Variants in PTPRN2 observed in about 807,000 individuals in gnomAD.
The protein encoded by PTPRN2 is protein tyrosine phosphatase receptor type N2.
Under a neutral mutation model 118.8 loss-of-function variants are expected in PTPRN2, and 74 were observed. The observed-to-expected ratio is 0.62, with a 90% CI of 0.52 to 0.76. The LOEUF (loss-of-function observed/expected upper bound fraction) is 0.76, where lower values mean the gene tolerates loss of function less well. PTPRN2 is among the 30% of genes least tolerant of loss of function. The pLI is 0.00. For missense variants in PTPRN2, 1,481 were observed against 1,394.4 expected (o/e 1.06, Z -0.99); for synonymous variants, 641 against 608.0 (o/e 1.05, Z -0.80).
chr7:157,911,874 TGTTCTGAGA>T (rs1798126254), intron 11 of PTPRN2, among the ~76,000 whole-genome samples: 1 of 152,232 alleles, frequency 6.6e-6, no homozygotes, highest in African/African-American at 2.4e-5. Context: ...GCTAACCCTG[TGTTCTGAGA>T]CTCAGATTCG....
chr7:157,864,204 C>A (rs925711627), intron 12 of PTPRN2: 1 of 152,286 alleles, frequency 6.6e-6, no homozygotes, highest in East Asian at 1.9e-4. Context: ...TGCGTCCCCC[C>A]ATCCAGGGTC....
chr7:158,002,580 C>T (rs1219689269), intron 11 of PTPRN2, among the ~76,000 whole-genome samples: 1 of 152,130 alleles, frequency 6.6e-6, no homozygotes, highest in African/African-American at 2.4e-5. Flanking sequence ...GCTCCCACTG[C>T]GCCCCTCCCT....
chr7:158,008,998 C>A (rs747892605), intron 11 of PTPRN2, among the ~76,000 whole-genome samples: 1 of 152,170 alleles, frequency 6.6e-6, no homozygotes, highest in African/African-American at 2.4e-5. Context: ...GCCTCTAGCT[C>A]CCCGCACTCC....
At chr7:157,743,388 T>C (rs1800745785) in intron 12 of PTPRN2, among the ~76,000 whole-genome samples, 1 of 152,146 alleles carries the variant, frequency 6.6e-6, no homozygotes, top group Admixed American at 6.5e-5. Flanking sequence ...CAGCCTGCAA[T>C]CGGTGCGGCG....
intron 3 of PTPRN2, among the ~76,000 whole-genome samples, chr7:158,222,522 C>T (rs1383924906): frequency 1.3e-5 from 2 of 152,016 alleles, no homozygotes; most frequent in African/African-American, 2.4e-5. Flanking sequence ...AAACTAAACA[C>T]GGAGTACACA....
At chr7:158,296,665 C>T (rs1332042067) in intron 3 of PTPRN2, among the ~76,000 whole-genome samples, 2 of 152,244 alleles carry the variant, frequency 1.3e-5, no homozygotes, top group Admixed American at 1.3e-4. Context: ...GCCTGCCCGT[C>T]TGTATGCTCC....
chr7:158,488,925 C>T lies in PTPRN2; in HGVS notation c.163+810G>A, dbSNP rs572800735. The stretch of plus-strand genomic sequence containing the variant: ...GGAGTTTAACCCTCCCCTGCGCGTT[C>T]AGAGCGCACAGCGCCCAGTTCACCA... On this transcript the variant is annotated intron_variant, in intron 2 of 22. Transcript: ENST00000389418. Among the ~76,000 whole-genome samples, 158 of 152,374 alleles carry T rather than the reference C, an allele frequency of 1.0e-3. 1 individual carries two copies. Among genetic ancestry groups the T allele is most frequent in the African/African-American group, 3.7e-3 (153 of 41,598 alleles).
At chr7:158,083,744 C>T (rs1190260354) in intron 10 of PTPRN2, among the ~76,000 whole-genome samples, 1 of 152,188 alleles carries the variant, frequency 6.6e-6, no homozygotes, top group Admixed American at 6.5e-5. Flanking sequence ...AGGCGGTGAG[C>T]ACCCAGTGAC....
At chr7:158,333,828 C>T (rs1208569244) in intron 2 of PTPRN2, among the ~76,000 whole-genome samples, 2 of 148,402 alleles carry the variant, frequency 1.3e-5, no homozygotes, top group South Asian at 2.2e-4. Flanking sequence ...TCACTCACAC[C>T]CACACTCTCA....
chr7:158,419,432 A>G (rs1323594411), intron 2 of PTPRN2, among the ~76,000 whole-genome samples: 1 of 152,224 alleles, frequency 6.6e-6, no homozygotes, highest in Non-Finnish European at 1.5e-5. Context: ...TCACTGCCGT[A>G]ATCACTCATC....
chr7:157,777,532 G>A (rs1429183779), intron 12 of PTPRN2, among the ~76,000 whole-genome samples: 1 of 152,138 alleles, frequency 6.6e-6, no homozygotes, highest in African/African-American at 2.4e-5. Context: ...CTAAGCTCAG[G>A]GATGCAGCAA....
chr7:158,081,170 T>G (rs1812789801), intron 11 of PTPRN2, 128 bp downstream of exon 11: 1 of 916,874 alleles, frequency 1.1e-6, no homozygotes, highest in African/African-American at 1.6e-5. Context: ...ACCGAGACCT[T>G]CCTCTGGGTT....
rs1214306883 is a variant in PTPRN2, at chr7:157,627,423, C to T, written c.2197-5914G>A. ...ATCCATGAAGAGTGAAAACAGGGAG[C>T]GAAGAATTGGTGGTGAATCTCAGTC... On this transcript the variant is annotated intron_variant, in intron 14 of 22. Coordinates refer to ENST00000389418, the MANE Select transcript of PTPRN2 (RefSeq NM_002847.5). This position sits in a 1 kb window ranked among gnomAD's most constrained non-coding sequence, Gnocchi z 4.2. Among the ~76,000 whole-genome samples the T allele has an allele frequency of 2.0e-5, 3 of 152,188 alleles. No homozygotes were observed. Among genetic ancestry groups the T allele is most frequent in the Non-Finnish European group, 2.9e-5 (2 of 68,038 alleles).
intron 12 of PTPRN2, among the ~76,000 whole-genome samples, chr7:157,792,518 G>GA (rs1330503303): frequency 3.9e-5 from 6 of 152,236 alleles, no homozygotes; most frequent in Non-Finnish European, 7.3e-5. Context: ...CGGGGGTGGG[G>GA]ATCCCACATG....
chr7:158,064,887 G>A (rs1806609), intron 11 of PTPRN2, among the ~76,000 whole-genome samples: 1 of 152,188 alleles, frequency 6.6e-6, no homozygotes, highest in African/African-American at 2.4e-5. Flanking sequence ...CTGGGGATGG[G>A]GCACAGAGTG....
chr7:158,502,833 G>C (rs561270732), intron 1 of PTPRN2, among the ~76,000 whole-genome samples: 1 of 151,894 alleles, frequency 6.6e-6, no homozygotes, highest in Non-Finnish European at 1.5e-5. Context: ...ATCAACTACT[G>C]TGTCCATCAG....
chr7:157,789,890 T>C (rs531462179), intron 12 of PTPRN2, among the ~76,000 whole-genome samples: 1 of 149,884 alleles, frequency 6.7e-6, no homozygotes, highest in South Asian at 2.2e-4. Flanking sequence ...TGCAGGTATG[T>C]GTGTGGTATG....
At chr7:157,817,147 G>A (rs1215589325) in intron 12 of PTPRN2, among the ~76,000 whole-genome samples, 2 of 152,340 alleles carry the variant, frequency 1.3e-5, no homozygotes, top group East Asian at 1.9e-4. Flanking sequence ...GGCTGCTTAC[G>A]CGTCACACCA....
chr7:158,101,415 T>G (rs2150347322), intron 10 of PTPRN2, among the ~76,000 whole-genome samples: 1 of 152,262 alleles, frequency 6.6e-6, no homozygotes, highest in East Asian at 1.9e-4. Flanking sequence ...AACCATAAAA[T>G]TTCTAGGAAA....
Sources: allele counts gnomAD v4.1 joint callset (sites outside exome capture counted in the v4.1 genomes callset), GRCh38; gene constraint gnomAD v4.1.1; non-coding constraint Gnocchi (gnomAD v3.1); transcripts MANE v1.5; gene names NCBI Gene and HGNC (gene_info 2026-07-23, HGNC 2026-07-21).